PSD3: variants seen among roughly 807,000 people sequenced by gnomAD.
The protein encoded by PSD3 is pleckstrin and Sec7 domain containing 3.
A neutral mutation model predicts 105.5 loss-of-function variants in PSD3; 49 were observed. The ratio of observed to expected loss-of-function variants is 0.46; its 90% CI spans 0.37 to 0.59. PSD3 has a LOEUF of 0.59. PSD3 is among the 20% of genes least tolerant of loss of function. PSD3 has a pLI of 0.00. For missense variants in PSD3, 1,561 were observed against 1,263.8 expected (o/e 1.24, Z -3.57); for synonymous variants, 557 against 457.8 (o/e 1.22, Z -2.77).
chr8:18,743,014 C>T (rs1012475107), intron 9 of PSD3, among the ~76,000 whole-genome samples: 8 of 152,128 alleles, frequency 5.3e-5, no homozygotes, highest in African/African-American at 1.2e-4. Flanking sequence ...GGACACTATG[C>T]GATGCCTTTA....
At chr8:18,634,508 T>C (rs191846715) in intron 10 of PSD3, among the ~76,000 whole-genome samples, 47 of 151,704 alleles carry the variant, frequency 3.1e-4, no homozygotes, top group African/African-American at 1.1e-3. Context: ...TTCATTTGGA[T>C]TTCACTAGTT....
intron 9 of PSD3, among the ~76,000 whole-genome samples, chr8:18,755,715 T>C (rs536564930): frequency 6.6e-6 from 1 of 152,150 alleles, no homozygotes. Context: ...TTAAGCAGCA[T>C]CTGTTCTGTT....
chr8:18,605,636 C>T (rs548076607), intron 11 of PSD3, among the ~76,000 whole-genome samples: 122 of 152,094 alleles, frequency 8.0e-4, no homozygotes, highest in Non-Finnish European at 1.5e-3. Flanking sequence ...GGGCCTGGGG[C>T]GGAATGATAT....
intron 2 of PSD3, among the ~76,000 whole-genome samples, chr8:18,875,113 C>T (rs1048817869): frequency 1.3e-5 from 2 of 152,140 alleles, no homozygotes; most frequent in African/African-American, 4.8e-5. Flanking sequence ...GAGATGGGGT[C>T]TCACTGTGTT....
chr8:18,694,249 G>T (rs145047354), intron 9 of PSD3, among the ~76,000 whole-genome samples: 297 of 152,280 alleles, frequency 2.0e-3, no homozygotes, highest in African/African-American at 7.0e-3. Context: ...CTCCTCATCT[G>T]CTACCACCAC....
intron 15 of PSD3, among the ~76,000 whole-genome samples, chr8:18,554,494 C>T (rs757911019): frequency 3.9e-5 from 6 of 152,080 alleles, no homozygotes; most frequent in Non-Finnish European, 8.8e-5. Context: ...GTAGAGTTCT[C>T]CGCCCAGAGC....
At chr8:19,003,233 T>C (rs1309891617) in intron 1 of PSD3, among the ~76,000 whole-genome samples, 1 of 151,950 alleles carries the variant, frequency 6.6e-6, no homozygotes, top group Admixed American at 6.6e-5. Context: ...CAGGGCCAAG[T>C]ACAATGGCAC....
At chr8:18,945,505 C>T (rs1019476561) in intron 1 of PSD3, among the ~76,000 whole-genome samples, 1 of 152,184 alleles carries the variant, frequency 6.6e-6, no homozygotes, top group African/African-American at 2.4e-5. Context: ...GCCCCTAAGA[C>T]TCCTTTCCGA....
At chr8:18,691,281 G>T (rs1377616067) in intron 9 of PSD3, among the ~76,000 whole-genome samples, 1 of 152,224 alleles carries the variant, frequency 6.6e-6, no homozygotes, top group East Asian at 1.9e-4. Flanking sequence ...GACCAGTCAT[G>T]TAAGATGTTT....
intron 9 of PSD3, among the ~76,000 whole-genome samples, chr8:18,749,452 A>G (rs1219933721): frequency 6.6e-6 from 1 of 152,262 alleles, no homozygotes; most frequent in Non-Finnish European, 1.5e-5. Flanking sequence ...TTTATGCAGG[A>G]TTTTAAAGAT....
intron 13 of PSD3, among the ~76,000 whole-genome samples, chr8:18,573,748 C>A (rs1545999): frequency 1.3e-5 from 2 of 151,920 alleles, no homozygotes; most frequent in South Asian, 4.2e-4. Context: ...GGCAATACTG[C>A]AGAGGCAGAA....
At position 18,535,313 on chromosome 8, in the gene PSD3, C is replaced by A; in HGVS notation, c.*430G>T. The A allele has an allele frequency of 5.5e-6, 1 of 183,078 alleles. No individual in the cohort carries two copies. Among genetic ancestry groups the A allele is most frequent in the South Asian group, 1.1e-4 (1 of 9,304 alleles). 11.3% of individuals were successfully genotyped at this position (183,078 alleles called of 1,614,324 possible). A position where few individuals can be genotyped will look rare whatever the true frequency, so the allele number is the denominator to read the frequency against. On this transcript the variant is annotated 3_prime_UTR_variant, in exon 16 of 16. Coordinates refer to ENST00000327040, the MANE Select transcript of PSD3 (RefSeq NM_015310.4). ...CTGGGCAAGATTTCACATATAAAGG[C>A]GTATATTAACTCCAGCTAGAATTTA...
chr8:18,540,233 C>A (rs1015311334), intron 15 of PSD3, among the ~76,000 whole-genome samples: 3 of 152,150 alleles, frequency 2.0e-5, no homozygotes, highest in Non-Finnish European at 4.4e-5. Context: ...AAGGTACATA[C>A]ATTGTTTTTT....
Position 18,535,769 on chromosome 8 carries a change from G to A in PSD3, c.3118C>T (p.Pro1040Ser), listed in dbSNP as rs1350172028. ...TAAGTAACTTTTTGCTTAATGCTTGGTGTTTCAGGTCGGTGATCCTTCCTC... is the reference window on the plus strand; with the variant it reads ...TAAGTAACTTTTTGCTTAATGCTTGATGTTTCAGGTCGGTGATCCTTCCTC... ...SERKDHRPETPSIKQKVT is the reference protein window; with the variant it reads ...SERKDHRPETSSIKQKVT Residue 1040 changes from proline (P) to serine (S), a missense_variant, in exon 16 of 16, where the codon CCA becomes TCA. By Grantham distance (74) the Pro-to-Ser change is moderately conservative (BLOSUM62 -1). Coordinates refer to ENST00000327040, the MANE Select transcript of PSD3 (RefSeq NM_015310.4). The A allele has an allele frequency of 1.2e-6, 2 of 1,613,694 alleles. No individual in the cohort carries two copies. Among genetic ancestry groups the A allele is most frequent in the Non-Finnish European group, 1.7e-6 (2 of 1,179,690 alleles).
intron 1 of PSD3, among the ~76,000 whole-genome samples, chr8:19,022,709 T>G (rs748386874): frequency 6.6e-6 from 1 of 152,178 alleles, no homozygotes; most frequent in African/African-American, 2.4e-5. Flanking sequence ...GGCTTGGGGC[T>G]GGAGAGTAGC....
intron 1 of PSD3, among the ~76,000 whole-genome samples, chr8:18,972,937 T>A (rs184002993): frequency 1.3e-5 from 2 of 152,150 alleles, no homozygotes; most frequent in African/African-American, 4.8e-5. Flanking sequence ...CCAACGAGGT[T>A]TTAAAAAAAT....
intron 4 of PSD3, among the ~76,000 whole-genome samples, chr8:18,849,871 C>G (rs1253390629): frequency 6.6e-6 from 1 of 150,388 alleles, no homozygotes; most frequent in Non-Finnish European, 1.5e-5. Flanking sequence ...ATGAGTTCCC[C>G]AAGGGACTTG....
intron 9 of PSD3, among the ~76,000 whole-genome samples, chr8:18,696,962 C>T (rs79214357): frequency 0.015 from 2,344 of 152,206 alleles, 60 homozygotes; most frequent in African/African-American, 0.053. Flanking sequence ...AGGCCAGGCA[C>T]GTTGGCTCAT....
intron 12 of PSD3, among the ~76,000 whole-genome samples, chr8:18,576,993 G>C (rs1469636664): frequency 1.3e-5 from 2 of 151,472 alleles, no homozygotes; most frequent in East Asian, 3.9e-4. Flanking sequence ...AATTTCTTAA[G>C]ATGATTACCT....
Sources: allele counts gnomAD v4.1 joint callset (sites outside exome capture counted in the v4.1 genomes callset), GRCh38; gene constraint gnomAD v4.1.1; transcripts MANE v1.5; gene names NCBI Gene and HGNC (gene_info 2026-07-23, HGNC 2026-07-21).